DNMBP: variants seen among roughly 807,000 people sequenced by gnomAD.
The protein encoded by DNMBP is dynamin-binding protein.
Under a neutral mutation model 150.0 loss-of-function variants are expected in DNMBP, and 87 were observed. The observed-to-expected ratio is 0.58, with a 90% CI of 0.49 to 0.69. DNMBP has a LOEUF of 0.69. Among genes scored for constraint, DNMBP ranks in the 30% least tolerant of loss-of-function variants. The pLI is 0.00. For missense variants in DNMBP, 1,774 were observed against 1,949.0 expected (o/e 0.91, Z 1.69); for synonymous variants, 711 against 750.4 (o/e 0.95, Z 0.86).
intron 1 of DNMBP, among the ~76,000 whole-genome samples, chr10:100,003,158 A>G (rs1488004249): frequency 1.3e-5 from 2 of 152,180 alleles, no homozygotes; most frequent in African/African-American, 4.8e-5. Flanking sequence ...CATCCTGGCT[A>G]TCATGGTAAA....
Position 99,957,159 on chromosome 10 carries a change from C to G in DNMBP, c.315G>C (p.Gln105His), listed in dbSNP as rs1223439922. The G allele has an allele frequency of 6.2e-7, 1 of 1,609,162 alleles. No homozygotes were observed. Among genetic ancestry groups the G allele is most frequent in the Non-Finnish European group, 8.5e-7 (1 of 1,179,962 alleles). ...CCCGTGCGCCCCAGCAGCTTCGGCC[C>G]TGCAGCCAGCCTGCAGTGGGAATGC... ...LDGIPTAGWL[Q>H]GRSCWGARGF... is the part of the protein sequence containing the mutation. Residue 105 changes from glutamine to histidine, a missense_variant, in exon 4 of 17, where the codon CAG becomes CAC. Around this residue, in one of 2 missense-constraint regions of DNMBP, gnomAD observed 344 missense variants for 456.6 expected, o/e 0.75. Transcript: ENST00000324109.
intron 6 of DNMBP, among the ~76,000 whole-genome samples, chr10:99,907,449 G>A (rs888514050): frequency 2.1e-4 from 31 of 151,116 alleles, no homozygotes; most frequent in African/African-American, 7.5e-4. Flanking sequence ...AGGCAGTGGT[G>A]TAGTGGCTCG....
intron 1 of DNMBP, among the ~76,000 whole-genome samples, chr10:100,000,646 A>G (rs1248141267): frequency 1.3e-5 from 2 of 152,104 alleles, no homozygotes; most frequent in Non-Finnish European, 2.9e-5. Context: ...CCTCCCTTAG[A>G]TGACCCTTCT....
At chr10:99,982,676 G>C (rs540655544) in intron 1 of DNMBP, among the ~76,000 whole-genome samples, 4 of 152,172 alleles carry the variant, frequency 2.6e-5, no homozygotes, top group Non-Finnish European at 4.4e-5. Context: ...GGTGAGGCTG[G>C]GCACGGTGGC....
intron 1 of DNMBP, among the ~76,000 whole-genome samples, chr10:99,982,144 A>C (rs551199040): frequency 6.6e-6 from 1 of 152,268 alleles, no homozygotes; most frequent in South Asian, 2.1e-4. Context: ...TGAGAACAAC[A>C]CATGAAAAGA....
rs950844277 is a variant in DNMBP, at chr10:99,898,098, G to C, written c.2908C>G (p.Arg970Gly). Residue 970 changes from arginine to glycine, a missense_variant, in exon 9 of 17, where the codon CGA (arginine) becomes GGA (glycine). By Grantham distance (125) the Arg-to-Gly change is moderately radical. This residue lies in a region of DNMBP where 1,430 missense variants were observed against 1,492.5 expected (regional missense o/e 0.96). Transcript: ENST00000324109. ...INVNINEYKR[R>G]KDLVLKYRKG... ...ATGCTGTTCTTACCCAGGTCCTTTC[G>C]CCGTTTATATTCATTAATGTTAACG... is the stretch of plus-strand genomic sequence containing the variant. 6.2e-7 allele frequency: 1 copy of C among 1,613,692 alleles called. No homozygotes were observed. Among genetic ancestry groups the C allele is most frequent in the Admixed American group, 1.7e-5 (1 of 59,982 alleles).
In DNMBP at chr10:99,894,964, G is replaced by A. The variant is rs1371610807; in HGVS notation, c.3138C>T (p.Leu1046=). The A allele has an allele frequency of 6.2e-7, 1 of 1,613,796 alleles. No individual in the cohort carries two copies. Among genetic ancestry groups the A allele is most frequent in the Admixed American group, 1.7e-5 (1 of 59,996 alleles). Residue 1046 remains leucine, a synonymous_variant, in exon 11 of 17, where the codon CTC becomes CTT. Transcript: ENST00000324109. ...LIKSFIRDLS[L]YLQHIRESAC... is the part of the protein sequence containing the mutation. ...TGCTCACCCGGATGTGCTGGAGGTAGAGAGACAGGTCTCGGATAAAAGACT... is the reference window on the plus strand; with the variant it reads ...TGCTCACCCGGATGTGCTGGAGGTAAAGAGACAGGTCTCGGATAAAAGACT...
At chr10:99,967,670 T>TGG (rs1273854971) in intron 3 of DNMBP, among the ~76,000 whole-genome samples, 1 of 138,538 alleles carries the variant, frequency 7.2e-6, no homozygotes, top group Non-Finnish European at 1.5e-5. Flanking sequence ...TTTTTCTGGG[T>TGG]GTGTGTGTGT....
chr10:100,002,976 G>A (rs370442972), intron 1 of DNMBP, among the ~76,000 whole-genome samples: 25 of 152,252 alleles, frequency 1.6e-4, no homozygotes, highest in African/African-American at 4.8e-4. Flanking sequence ...AAAGATGCCC[G>A]TTAGTGTAGC....
At chr10:99,903,104 T>TTC (rs2039770548) in intron 6 of DNMBP, among the ~76,000 whole-genome samples, 2 of 146,120 alleles carry the variant, frequency 1.4e-5, no homozygotes, top group African/African-American at 2.5e-5. Flanking sequence ...CTGGGCAATT[T>TTC]TTTTTTTTTT....
intron 11 of DNMBP, chr10:99,889,274 A>G (rs41290516): frequency 0.033 from 6,543 of 196,316 alleles, 115 homozygotes; most frequent in South Asian, 0.087. Context: ...TGATTCCTAT[A>G]GGATTACGAT....
chr10:99,878,102 T>A (rs553637797), intron 16 of DNMBP, among the ~76,000 whole-genome samples: 97 of 152,260 alleles, frequency 6.4e-4, no homozygotes, highest in African/African-American at 2.2e-3. Context: ...GACTCCATTT[T>A]AAAAAAACTA....
At position 99,885,896 on chromosome 10, in the gene DNMBP, GA is replaced by G. The variant is rs796696804; in HGVS notation, c.3619-31del. 1.1e-5 allele frequency: 17 copies of G among 1,553,536 alleles called. No homozygotes were observed. The African/African-American group carries it at 1.1e-4, about 10-fold the overall frequency. The stretch of plus-strand genomic sequence containing the variant: ...GGTCCATGGGAAGAGCAGAGATAGA[GA>G]AAAGAAGAAAACACGATAAAAGATC... On this transcript the variant is annotated intron_variant, in intron 13 of 16. Transcript: ENST00000324109.
At chr10:99,941,036 C>T (rs2040292996) in intron 4 of DNMBP, among the ~76,000 whole-genome samples, 1 of 152,098 alleles carries the variant, frequency 6.6e-6, no homozygotes, top group African/African-American at 2.4e-5. Flanking sequence ...AGGCACCCGC[C>T]ACCACACTTG....
In DNMBP at chr10:99,900,027, G is replaced by T. The variant is rs767356651; in HGVS notation, c.2594C>A (p.Thr865Lys). The T allele has an allele frequency of 5.0e-6, 8 of 1,614,016 alleles. No individual in the cohort carries two copies. In the South Asian group the frequency reaches 8.8e-5, roughly 18 times the overall value. ...FLGHRDELEG[T>K]YKIYCQNHDE... The stretch of plus-strand genomic sequence containing the variant: ...ATGATTCTGGCAGTAAATCTTGTAT[G>T]TTCCCTCAAGCTCATCCCGGTGACC... The change falls in exon 7 of 17, where the codon ACA becomes AAA. Residue 865 changes from threonine to lysine, a missense_variant. By Grantham distance (78) the Thr-to-Lys change is moderately conservative. Transcript: ENST00000324109.
intron 10 of DNMBP, 53 bp from the exon 11 acceptor site, chr10:99,895,103 T>G: frequency 1.9e-6 from 2 of 1,027,890 alleles, no homozygotes; most frequent in Admixed American, 4.9e-5. Context: ...CCTTTAATCT[T>G]ACTGGCAAAA....
At position 99,963,883 on chromosome 10, in the gene DNMBP, G is replaced by A. The variant is rs569769775; in HGVS notation, c.268+5232C>T. On this transcript the variant is annotated intron_variant, in intron 3 of 16. Transcript: ENST00000324109. Reference sequence around the variant, plus strand: ...GAGTATTTTATTCAGGTTTCCATACGAGCCATGTCAGAACTTCTTTCCTGA... The same window carrying A: ...GAGTATTTTATTCAGGTTTCCATACAAGCCATGTCAGAACTTCTTTCCTGA... Among the ~76,000 whole-genome samples the A allele has an allele frequency of 2.4e-4, 37 of 151,820 alleles. No homozygotes were observed. The South Asian group carries it at 5.8e-3, about 24-fold the overall frequency.
At chr10:99,962,997 T>G (rs1036223123) in intron 3 of DNMBP, among the ~76,000 whole-genome samples, 1 of 152,012 alleles carries the variant, frequency 6.6e-6, no homozygotes, top group African/African-American at 2.4e-5. Flanking sequence ...TTGAAAAACA[T>G]ACACAATTTA....
rs374869913 is a variant in DNMBP, at chr10:99,956,482, G to T, written c.992C>A (p.Thr331Asn). The T allele has an allele frequency of 4.3e-6, 7 of 1,613,950 alleles. No individual in the cohort carries two copies. The African/African-American group carries it at 8.0e-5, about 18-fold the overall frequency. ...ATGTCTTTGTTCCTCTACTCCTAAG[G>T]TGTTCTCCAAACAATCCAAAGAAGT... ...PETSLDCLEN[T>N]LGVEEQRHET... The change falls in exon 4 of 17, where the codon ACC becomes AAC. Residue 331 changes from threonine (T) to asparagine (N), a missense_variant. Coordinates refer to ENST00000324109, the MANE Select transcript of DNMBP (RefSeq NM_015221.4).
Sources: allele counts gnomAD v4.1 joint callset (sites outside exome capture counted in the v4.1 genomes callset), GRCh38; gene constraint gnomAD v4.1.1; regional missense constraint gnomAD v4.1.1; transcripts MANE v1.5; gene names NCBI Gene and HGNC (gene_info 2026-07-23, HGNC 2026-07-21).